The following KLHL2 variants were observed in gnomAD, a reference collection of about 807,000 sequenced individuals.
KLHL2 encodes kelch-like protein 2.
KLHL2 carries 15 observed loss-of-function variants against 75.8 expected under a neutral mutation model. That is an observed-to-expected ratio of 0.20 (90% CI 0.13 to 0.30). The LOEUF is 0.30. Among genes scored for constraint, KLHL2 ranks in the 10% least tolerant of loss-of-function variants. The pLI is 1.00. For synonymous variants in KLHL2, 214 were observed against 251.9 expected, an observed-to-expected ratio of 0.85 and a Z score of 1.42; for missense variants, 381 against 741.0, an observed-to-expected ratio of 0.51 and a Z score of 5.64.
chr4:165,211,084 C>G (rs1271516303), intron 1 of KLHL2, among the ~76,000 whole-genome samples: 1 of 152,020 alleles, frequency 6.6e-6, no homozygotes, highest in Non-Finnish European at 1.5e-5. Context: ...ACTTGTTGAC[C>G]ATGTTCTAAG....
intron 4 of KLHL2, among the ~76,000 whole-genome samples, chr4:165,262,596 T>C (rs1429490585): frequency 6.6e-6 from 1 of 152,200 alleles, no homozygotes; most frequent in Non-Finnish European, 1.5e-5. Flanking sequence ...GTTTTGTTTT[T>C]GAGATGGGGT....
At chr4:165,283,689 G>A (rs1432384882) in intron 5 of KLHL2, among the ~76,000 whole-genome samples, 1 of 152,088 alleles carries the variant, frequency 6.6e-6, no homozygotes, top group East Asian at 1.9e-4. Context: ...TCTGGAGGAT[G>A]GTGGCCCTCT....
chr4:165,252,390 G>A (rs1426999971), intron 4 of KLHL2, among the ~76,000 whole-genome samples: 1 of 151,786 alleles, frequency 6.6e-6, no homozygotes, highest in Non-Finnish European at 1.5e-5. Flanking sequence ...GGCATGTTTG[G>A]TTTGACACCA....
intron 4 of KLHL2, among the ~76,000 whole-genome samples, chr4:165,242,326 A>G (rs1349521223): frequency 6.6e-6 from 1 of 152,164 alleles, no homozygotes; most frequent in Non-Finnish European, 1.5e-5. Context: ...GGTTATGGAC[A>G]CCTTTGAGAA....
At chr4:165,218,170 C>G (rs1473450173) in intron 1 of KLHL2, among the ~76,000 whole-genome samples, 3 of 152,092 alleles carry the variant, frequency 2.0e-5, no homozygotes, top group African/African-American at 7.2e-5. Flanking sequence ...ATCTTTGACC[C>G]GTGTAGAGTG....
chr4:165,225,588 T>C (rs1738375576), intron 2 of KLHL2, among the ~76,000 whole-genome samples: 1 of 152,188 alleles, frequency 6.6e-6, no homozygotes, highest in African/African-American at 2.4e-5. Context: ...AAAAGAAGTT[T>C]TTCTTATTTT....
chr4:165,297,349 T>G (rs1396299007), intron 6 of KLHL2, among the ~76,000 whole-genome samples: 2 of 152,154 alleles, frequency 1.3e-5, no homozygotes, highest in African/African-American at 2.4e-5. Context: ...ATGAATTGTT[T>G]ATAAGGATAC....
intron 4 of KLHL2, among the ~76,000 whole-genome samples, chr4:165,249,018 G>C (rs1418980006): frequency 3.3e-5 from 5 of 152,182 alleles, no homozygotes. Flanking sequence ...AATAGATGTT[G>C]ACTGCTTAGA....
intron 1 of KLHL2, 78 bp from the exon 2 acceptor site, chr4:165,219,856 T>C: frequency 7.1e-7 from 1 of 1,410,562 alleles, no homozygotes; most frequent in Non-Finnish European, 9.5e-7. Context: ...TCATTGTCTC[T>C]CTTGTAGCTT....
At chr4:165,238,972 C>G in intron 4 of KLHL2, 73 bp downstream of exon 4, 1 of 1,531,350 alleles carries the variant, frequency 6.5e-7, no homozygotes, top group South Asian at 1.3e-5. Context: ...CACACCCACA[C>G]AGTATACAAT....
intron 4 of KLHL2, among the ~76,000 whole-genome samples, chr4:165,247,698 C>T (rs2111148453): frequency 6.6e-6 from 1 of 152,228 alleles, no homozygotes. Context: ...GGTATTTTAT[C>T]AGCTTGCATA....
rs1747059938 is a variant in KLHL2 at position 165,322,505 on chromosome 4, A to G, written c.*445A>G. 1 of 154,512 alleles carries G rather than the reference A, an allele frequency of 6.5e-6. No homozygotes were observed. Among genetic ancestry groups the G allele is most frequent in the African/African-American group, 2.4e-5 (1 of 41,508 alleles). 9.6% of individuals were successfully genotyped at this position (154,512 alleles called of 1,614,324 possible). A position where few individuals can be genotyped will look rare whatever the true frequency, so the allele number is the denominator to read the frequency against. On this transcript the variant is annotated 3_prime_UTR_variant, in exon 15 of 15. Transcript: ENST00000226725. ...GATATTAAAATCTACGTAAGTATAC[A>G]AACTAGTTGAGGGATACACTGTTTG...
intron 8 of KLHL2, among the ~76,000 whole-genome samples, chr4:165,303,136 G>C (rs11725104): frequency 0.077 from 11,663 of 151,912 alleles, 921 homozygotes; most frequent in African/African-American, 0.21. Context: ...GACCCAAATC[G>C]TTACCCCATT....
At chr4:165,246,361 TC>T (rs1401664269) in intron 4 of KLHL2, among the ~76,000 whole-genome samples, 2 of 151,980 alleles carry the variant, frequency 1.3e-5, no homozygotes, top group African/African-American at 2.4e-5. Context: ...TTGATTTTGT[TC>T]CAGTTGTAGT....
At chr4:165,232,699 C>T (rs1393997933) in intron 3 of KLHL2, among the ~76,000 whole-genome samples, 1 of 151,948 alleles carries the variant, frequency 6.6e-6, no homozygotes, top group African/African-American at 2.4e-5. Flanking sequence ...GAGATCATGC[C>T]ACTGCCCTCC....
intron 8 of KLHL2, among the ~76,000 whole-genome samples, chr4:165,300,589 A>G (rs1044450572): frequency 6.6e-6 from 1 of 152,104 alleles, no homozygotes; most frequent in Non-Finnish European, 1.5e-5. Context: ...TATTTTACCA[A>G]TTCAATTTTT....
chr4:165,302,634 G>T (rs962597992), intron 8 of KLHL2, among the ~76,000 whole-genome samples: 1 of 151,946 alleles, frequency 6.6e-6, no homozygotes, highest in Non-Finnish European at 1.5e-5. Flanking sequence ...TTTGTATTTT[G>T]TTAGCTTTTC....
At chr4:165,293,623 C>T (rs938922503) in intron 5 of KLHL2, among the ~76,000 whole-genome samples, 6 of 151,884 alleles carry the variant, frequency 4.0e-5, no homozygotes, top group Admixed American at 6.6e-5. Flanking sequence ...CCTGCCTCAG[C>T]CTCCTGAGTA....
At position 165,220,037 on chromosome 4, in the gene KLHL2, A is replaced by C. The variant is rs1423675115; in HGVS notation, c.130A>C (p.Lys44Gln). 1.2e-6 allele frequency: 2 copies of C among 1,609,344 alleles called. No individual in the cohort carries two copies. Among genetic ancestry groups the C allele is most frequent in the East Asian group, 2.2e-5 (1 of 44,862 alleles). ...VNPWHMKKAF[K>Q]VMNELRSQNL... ...TCCTTGGCATATGAAGAAAGCTTTC[A>C]AAGTCATGAACGAATTAAGAAGGTA... The change falls in exon 2 of 15, where the codon AAA (lysine) becomes CAA (glutamine). Residue 44 changes from lysine to glutamine, a missense_variant. By Grantham distance (53) the Lys-to-Gln change is moderately conservative. This residue lies in a region of KLHL2 where 48 missense variants were observed against 88.9 expected (regional missense o/e 0.54). Transcript: ENST00000226725.
Sources: gnomAD v4.1 joint callset for allele counts (sites outside exome capture counted in the v4.1 genomes callset) on GRCh38, gnomAD v4.1.1 for gene constraint, gnomAD v4.1.1 regional missense constraint, MANE v1.5 for transcripts, NCBI Gene and HGNC (gene_info 2026-07-23, HGNC 2026-07-21) for gene names.